CHN2: variants seen among roughly 807,000 people sequenced by gnomAD.
The protein encoded by CHN2 is chimerin 2.
A neutral mutation model predicts 56.3 loss-of-function variants in CHN2; 35 were observed. That is an observed-to-expected ratio of 0.62 (90% CI 0.47 to 0.82). The LOEUF is 0.82. CHN2 is among the 40% of genes least tolerant of loss of function. The pLI is 0.00. For synonymous variants in CHN2, 210 were observed against 212.8 expected, an observed-to-expected ratio of 0.99 and a Z score of 0.12; for missense variants, 491 against 580.5, an observed-to-expected ratio of 0.85 and a Z score of 1.58.
At chr7:29,502,789 T>C (rs1273438750) in intron 9 of CHN2, among the ~76,000 whole-genome samples, 3 of 152,112 alleles carry the variant, frequency 2.0e-5, no homozygotes, top group African/African-American at 7.2e-5. Context: ...TGTGGAGGTT[T>C]GTTAAATAGG....
intron 1 of CHN2, among the ~76,000 whole-genome samples, chr7:29,346,876 A>T: frequency 6.6e-6 from 1 of 152,132 alleles, no homozygotes; most frequent in East Asian, 1.9e-4. Flanking sequence ...ATTCCTTTAC[A>T]CTTGCTCCTC....
At chr7:29,499,128 T>C (rs1380427844) in intron 8 of CHN2, among the ~76,000 whole-genome samples, 1 of 152,214 alleles carries the variant, frequency 6.6e-6, no homozygotes, top group Non-Finnish European at 1.5e-5. Context: ...TCTTCGTGTT[T>C]TCATTGAACT....
chr7:29,220,152 A>G (rs1038173286), intron 1 of CHN2, among the ~76,000 whole-genome samples: 1 of 151,994 alleles, frequency 6.6e-6, no homozygotes, highest in African/African-American at 2.4e-5. Context: ...AATCTAGAAA[A>G]TAATCAGCAA....
intron 12 of CHN2, among the ~76,000 whole-genome samples, chr7:29,510,431 G>A (rs536211011): frequency 4.5e-4 from 68 of 152,222 alleles, no homozygotes; most frequent in African/African-American, 1.6e-3. Context: ...AGAATGAGAC[G>A]CTGTCTCAAG....
intron 2 of CHN2, among the ~76,000 whole-genome samples, chr7:29,162,211 C>T (rs1189094033): frequency 6.6e-6 from 1 of 152,202 alleles, no homozygotes; most frequent in Non-Finnish European, 1.5e-5. Context: ...CACACAAAAA[C>T]TGTTCACAAA....
chr7:29,442,018 A>G (rs148696930), intron 6 of CHN2, among the ~76,000 whole-genome samples: 14 of 152,370 alleles, frequency 9.2e-5, no homozygotes, highest in East Asian at 5.8e-4. Flanking sequence ...GCCAAAAGAT[A>G]GAAACCTGCC....
chr7:29,195,010 G>A lies in CHN2; in HGVS notation c.49+20G>A. 6.3e-7 allele frequency: 1 copy of A among 1,583,186 alleles called. No homozygotes were observed. Among genetic ancestry groups the A allele is most frequent in the Non-Finnish European group, 8.6e-7 (1 of 1,167,782 alleles). ...CCTCCGGTGAGTTTCAGCCCGTCGG[G>A]CGCTGCTGCCGCGCCGGGTCTCGCC... On this transcript the variant is annotated intron_variant, in intron 1 of 12. Coordinates refer to ENST00000222792, the MANE Select transcript of CHN2 (RefSeq NM_004067.4).
chr7:29,455,849 C>T (rs765521873), intron 6 of CHN2, among the ~76,000 whole-genome samples: 62 of 152,178 alleles, frequency 4.1e-4, no homozygotes, highest in Admixed American at 1.3e-3. Context: ...TGTGGTGGCC[C>T]AGCCTTTCGC....
chr7:29,164,842 G>A (rs1795704067), intron 2 of CHN2, among the ~76,000 whole-genome samples: 1 of 151,188 alleles, frequency 6.6e-6, no homozygotes, highest in Admixed American at 6.6e-5. Context: ...CTTTGAAAGA[G>A]GTCAACTGAT....
intron 2 of CHN2, among the ~76,000 whole-genome samples, chr7:29,364,119 A>G (rs746156185): frequency 1.3e-5 from 2 of 152,244 alleles, no homozygotes; most frequent in African/African-American, 2.4e-5. Flanking sequence ...CCTCATCCCT[A>G]TCCAGAATGA....
intron 1 of CHN2, among the ~76,000 whole-genome samples, chr7:29,238,117 A>G (rs1787345979): frequency 6.7e-6 from 1 of 148,236 alleles, no homozygotes; most frequent in Non-Finnish European, 1.5e-5. Context: ...TCCCGGGTTC[A>G]AGCGATTTGC....
Position 29,211,999 on chromosome 7 carries a change from C to T in CHN2, c.49+17009C>T, listed in dbSNP as rs1188430421. Among the ~76,000 whole-genome samples, 3 of 152,276 alleles carry T rather than the reference C, an allele frequency of 2.0e-5. No individual in the cohort carries two copies. The East Asian group carries it at 5.8e-4, about 29-fold the overall frequency. On this transcript the variant is annotated intron_variant, in intron 1 of 12. Coordinates refer to ENST00000222792, the MANE Select transcript of CHN2 (RefSeq NM_004067.4). ...TCGCATCATAGCCTGGTTTCACTTC[C>T]ACTCCATCCCATACCCAGGATTATT...
At chr7:29,362,185 C>G (rs548541463) in intron 2 of CHN2, among the ~76,000 whole-genome samples, 1 of 152,318 alleles carries the variant, frequency 6.6e-6, no homozygotes, top group East Asian at 1.9e-4. Context: ...TCTCCACCAT[C>G]TAGTTAGGCA....
chr7:29,398,249 C>T (rs1585260579), intron 4 of CHN2, 124 bp from the exon 5 acceptor site: 3 of 679,394 alleles, frequency 4.4e-6, no homozygotes, highest in East Asian at 5.2e-5. Flanking sequence ...TAGTCACCCC[C>T]CTTCTTCACT....
chr7:29,507,448 C>T (rs958660681), intron 11 of CHN2, 83 bp downstream of exon 11: 16 of 1,050,776 alleles, frequency 1.5e-5, no homozygotes, highest in African/African-American at 6.4e-5. Context: ...AAACTCAGAA[C>T]TGTTTAAATT....
At chr7:29,245,996 G>A (rs1355487762) in intron 1 of CHN2, among the ~76,000 whole-genome samples, 1 of 152,112 alleles carries the variant, frequency 6.6e-6, no homozygotes, top group Non-Finnish European at 1.5e-5. Context: ...TTTTCCATTA[G>A]GAAGGCTCTA....
intron 1 of CHN2, among the ~76,000 whole-genome samples, chr7:29,208,508 A>G (rs1784685688): frequency 6.6e-6 from 1 of 152,088 alleles, no homozygotes. Flanking sequence ...TGGGCACCCT[A>G]TGACAGCAGC....
chr7:29,324,938 T>TC (rs1795691539), intron 1 of CHN2, among the ~76,000 whole-genome samples: 2 of 152,216 alleles, frequency 1.3e-5, no homozygotes, highest in Admixed American at 1.3e-4. Flanking sequence ...TGTAACTCTA[T>TC]AATTGTCAAT....
chr7:29,230,668 C>T (rs1369191113), intron 1 of CHN2, among the ~76,000 whole-genome samples: 1 of 152,178 alleles, frequency 6.6e-6, no homozygotes, highest in Non-Finnish European at 1.5e-5. Flanking sequence ...AAAAACAAAT[C>T]TTTAATTCAA....
Sources: gnomAD v4.1 joint callset for allele counts (sites outside exome capture counted in the v4.1 genomes callset) on GRCh38, gnomAD v4.1.1 for gene constraint, MANE v1.5 for transcripts, NCBI Gene and HGNC (gene_info 2026-07-23, HGNC 2026-07-21) for gene names.